The following CTNNA3 variants were observed in gnomAD, a reference collection of about 807,000 sequenced individuals.
The protein encoded by CTNNA3 is catenin alpha 3, also known as catenin alpha-3.
In CTNNA3, 76 loss-of-function variants were observed where a neutral mutation model predicts 95.7. The observed-to-expected ratio is 0.79, with a 90% confidence interval of 0.66 to 0.96. The LOEUF is 0.96. Among genes scored for constraint, CTNNA3 ranks in the 40% least tolerant of loss-of-function variants. CTNNA3 has a pLI of 0.00. For missense variants in CTNNA3, 1,191 were observed against 1,089.8 expected, an observed-to-expected ratio of 1.09 and a Z score of -1.31; for synonymous variants, 431 against 374.4, an observed-to-expected ratio of 1.15 and a Z score of -1.74.
intron 6 of CTNNA3, among the ~76,000 whole-genome samples, chr10:67,193,876 G>T (rs1481050039): frequency 6.6e-6 from 1 of 151,910 alleles, no homozygotes; most frequent in Non-Finnish European, 1.5e-5. Flanking sequence ...TTTAGGTATT[G>T]AGGAATTGAC....
intron 9 of CTNNA3, among the ~76,000 whole-genome samples, chr10:66,707,705 G>T (rs1230938721): frequency 6.6e-6 from 1 of 152,020 alleles, no homozygotes; most frequent in African/African-American, 2.4e-5. Context: ...GAAATACATG[G>T]ATAATAAGTG....
intron 7 of CTNNA3, among the ~76,000 whole-genome samples, chr10:66,869,758 G>A (rs925311986): frequency 6.6e-6 from 1 of 152,066 alleles, no homozygotes; most frequent in Non-Finnish European, 1.5e-5. Context: ...GAGGCTAAGT[G>A]TATCATCTTG....
intron 12 of CTNNA3, among the ~76,000 whole-genome samples, chr10:66,352,655 C>T (rs1478409383): frequency 3.3e-5 from 5 of 151,978 alleles, no homozygotes; most frequent in Admixed American, 2.6e-4. Flanking sequence ...CCCTAATTGG[C>T]ACAGAGACTC....
intron 11 of CTNNA3, among the ~76,000 whole-genome samples, chr10:66,392,156 C>T (rs1461761494): frequency 6.6e-6 from 1 of 152,032 alleles, no homozygotes; most frequent in Non-Finnish European, 1.5e-5. Flanking sequence ...AGATGCTGGG[C>T]ATGATGGCTC....
intron 17 of CTNNA3, among the ~76,000 whole-genome samples, chr10:65,932,093 G>A (rs1337629626): frequency 6.6e-6 from 1 of 152,186 alleles, no homozygotes; most frequent in Non-Finnish European, 1.5e-5. Flanking sequence ...AAGTAGAGCT[G>A]AGGGGTTAAG....
rs564674484 is a variant in CTNNA3 at position 66,803,547 on chromosome 10, G to T, written c.1048-28023C>A. Among the ~76,000 whole-genome samples, 4 of 149,534 alleles carry T rather than the reference G, an allele frequency of 2.7e-5. No individual in the cohort carries two copies. In the East Asian group the frequency reaches 5.9e-4, roughly 22 times the overall value. ...TCTCTCACCATATATAGTCCTTAAG[G>T]GTACAGACCATAGCTACAGATCCTA... On this transcript the variant is annotated intron_variant, in intron 7 of 17. Transcript: ENST00000433211.
chr10:67,364,188 C>T (rs568376673), intron 5 of CTNNA3, among the ~76,000 whole-genome samples: 193 of 152,200 alleles, frequency 1.3e-3, no homozygotes, highest in Non-Finnish European at 1.6e-3. Flanking sequence ...AATCAATAAA[C>T]GTAATCCATC....
intron 10 of CTNNA3, among the ~76,000 whole-genome samples, chr10:66,521,510 G>A (rs1841068329): frequency 6.6e-6 from 1 of 152,128 alleles, no homozygotes; most frequent in Non-Finnish European, 1.5e-5. Flanking sequence ...ATTTCCCATG[G>A]ATATTCCTGA....
chr10:66,839,009 T>C (rs890925573), intron 7 of CTNNA3, among the ~76,000 whole-genome samples: 1 of 143,198 alleles, frequency 7.0e-6, no homozygotes, highest in African/African-American at 2.7e-5. Flanking sequence ...ATGTTATCGA[T>C]GTATGCCAAT....
At chr10:66,327,623 T>C (rs2092270817) in intron 12 of CTNNA3, among the ~76,000 whole-genome samples, 1 of 152,010 alleles carries the variant, frequency 6.6e-6, no homozygotes, top group Non-Finnish European at 1.5e-5. Context: ...CCCTCAAAAA[T>C]ATTATCTCTA....
At chr10:67,605,960 C>T (rs1397837133) in intron 3 of CTNNA3, among the ~76,000 whole-genome samples, 6 of 152,194 alleles carry the variant, frequency 3.9e-5, no homozygotes, top group African/African-American at 7.2e-5. Context: ...CATGGGCCAC[C>T]GCACTCGGCC....
intron 5 of CTNNA3, among the ~76,000 whole-genome samples, chr10:67,321,293 T>A (rs117228687): frequency 1.1e-4 from 17 of 152,364 alleles, no homozygotes; most frequent in Non-Finnish European, 2.1e-4. Context: ...AGATTAAAGA[T>A]GCAGAAAGAA....
intron 7 of CTNNA3, among the ~76,000 whole-genome samples, chr10:66,860,822 A>G (rs1191245625): frequency 6.6e-6 from 1 of 152,182 alleles, no homozygotes; most frequent in Non-Finnish European, 1.5e-5. Flanking sequence ...TTTTGTAAAT[A>G]TTCAAACTCA....
At chr10:66,157,903 C>A (rs1431503699) in intron 13 of CTNNA3, among the ~76,000 whole-genome samples, 1 of 152,018 alleles carries the variant, frequency 6.6e-6, no homozygotes, top group Non-Finnish European at 1.5e-5. Flanking sequence ...TTGCATTTTC[C>A]TGATCATTAG....
chr10:66,922,205 C>T (rs1023165642), intron 7 of CTNNA3, among the ~76,000 whole-genome samples: 14 of 152,066 alleles, frequency 9.2e-5, no homozygotes, highest in African/African-American at 3.4e-4. Flanking sequence ...ATATTTAACT[C>T]GTCAGGTAGT....
intron 1 of CTNNA3, among the ~76,000 whole-genome samples, chr10:67,727,181 T>C (rs545203179): frequency 2.0e-3 from 256 of 127,104 alleles, no homozygotes; most frequent in African/African-American, 5.1e-3. Flanking sequence ...ATACATATAT[T>C]ATATATATTA....
At chr10:67,430,107 T>C (rs540398039) in intron 5 of CTNNA3, among the ~76,000 whole-genome samples, 4 of 152,134 alleles carry the variant, frequency 2.6e-5, no homozygotes, top group Admixed American at 2.0e-4. Context: ...TATTTCATTT[T>C]CAAGCAATGC....
upstream of CTNNA3, among the ~76,000 whole-genome samples, chr10:67,697,934 T>C (rs1840998724): frequency 6.6e-6 from 1 of 152,186 alleles, no homozygotes; most frequent in African/African-American, 2.4e-5. Context: ...ATATCACCTA[T>C]GTCAAATTTC....
intron 5 of CTNNA3, among the ~76,000 whole-genome samples, chr10:67,483,776 T>TAAAAAAA (rs71468814): frequency 9.0e-6 from 1 of 110,856 alleles, no homozygotes; most frequent in Non-Finnish European, 2.0e-5. Flanking sequence ...AAATAAAAAT[T>TAAAAAAA]AAAAAAAAAA....
Sources: gnomAD v4.1 joint callset for allele counts (sites outside exome capture counted in the v4.1 genomes callset) on GRCh38, gnomAD v4.1.1 for gene constraint, MANE v1.5 for transcripts, NCBI Gene and HGNC (gene_info 2026-07-23, HGNC 2026-07-21) for gene names.